ZNF566: variants seen among roughly 807,000 people sequenced by gnomAD.
ZNF566 encodes the protein zinc finger protein 566.
A neutral mutation model predicts 32.8 loss-of-function variants in ZNF566; 27 were observed. The observed-to-expected ratio is 0.82, with a 90% CI of 0.61 to 1.14. ZNF566 has a LOEUF of 1.14. Among genes scored for constraint, ZNF566 ranks in the 50% most tolerant of loss-of-function variants. The pLI, the probability that ZNF566 is intolerant of heterozygous loss-of-function variation, is 0.00. For synonymous variants in ZNF566, 154 were observed against 159.5 expected, an observed-to-expected ratio of 0.97 and a Z score of 0.26; for missense variants, 402 against 490.4, an observed-to-expected ratio of 0.82 and a Z score of 1.70.
At chr19:36,480,803 A>G (rs1008691495) in intron 1 of ZNF566, among the ~76,000 whole-genome samples, 2 of 151,202 alleles carry the variant, frequency 1.3e-5, no homozygotes, top group East Asian at 4.0e-4. Flanking sequence ...GCCAAGGCCC[A>G]CCAAGGCAGG....
intron 4 of ZNF566, among the ~76,000 whole-genome samples, chr19:36,466,095 C>A (rs1419505137): frequency 6.6e-6 from 1 of 151,334 alleles, no homozygotes; most frequent in Non-Finnish European, 1.5e-5. Context: ...AAAATACTAC[C>A]AGGAGCAAGG....
intron 4 of ZNF566, among the ~76,000 whole-genome samples, chr19:36,457,897 A>G (rs886665307): frequency 7.1e-6 from 1 of 139,872 alleles, no homozygotes; most frequent in Non-Finnish European, 1.6e-5. Flanking sequence ...GTCTCAAAAA[A>G]ATAAACAAAC....
At chr19:36,463,301 C>T (rs140914328) in intron 4 of ZNF566, among the ~76,000 whole-genome samples, 9 of 152,090 alleles carry the variant, frequency 5.9e-5, no homozygotes, top group South Asian at 2.1e-4. Context: ...CTACATCCTA[C>T]GCAATAAACA....
chr19:36,453,467 T>C lies in ZNF566; in HGVS notation c.233-3466A>G, dbSNP rs926864684. 9.6e-5 allele frequency among the ~76,000 whole-genome samples: 14 copies of C among 145,606 alleles called. No individual in the cohort carries two copies. In the South Asian group the frequency reaches 3.0e-3, roughly 31 times the overall value. ...CAGCCTGGGTGACAGTGTGAGACTC[T>C]ATCTCAAATAAATAAATAAATAAAT... On this transcript the variant is annotated intron_variant, in intron 4 of 4. Coordinates refer to ENST00000452939, the MANE Select transcript of ZNF566 (RefSeq NM_001145344.1).
At chr19:36,463,943 C>T (rs1472668906) in intron 4 of ZNF566, among the ~76,000 whole-genome samples, 1 of 151,838 alleles carries the variant, frequency 6.6e-6, no homozygotes, top group African/African-American at 2.4e-5. Context: ...CCAGGCTGGT[C>T]TCGAACTCCT....
At chr19:36,469,490 A>T (rs2033709437) in intron 4 of ZNF566, among the ~76,000 whole-genome samples, 3 of 151,872 alleles carry the variant, frequency 2.0e-5, no homozygotes, top group African/African-American at 7.3e-5. Flanking sequence ...CAGTGAGCCG[A>T]GATCACGCCT....
chr19:36,463,747 A>T (rs2033541623), intron 4 of ZNF566, among the ~76,000 whole-genome samples: 1 of 147,804 alleles, frequency 6.8e-6, no homozygotes. Context: ...TTTTTTTGAG[A>T]CAGAGTCTCA....
rs1018815868 is a variant in ZNF566 at position 36,488,602 on chromosome 19, G to A, written c.-60+884C>T. 7.9e-5 allele frequency among the ~76,000 whole-genome samples: 12 copies of A among 152,148 alleles called. 1 individual carries two copies. Among genetic ancestry groups the A allele is most frequent in the Non-Finnish European group, 4.4e-5 (3 of 68,032 alleles). On this transcript the variant is annotated intron_variant, in intron 1 of 4. Transcript: ENST00000452939. Reference sequence around the variant, plus strand: ...GTACCCCATGTGAAAGAATGTGGCTGTGTTGTTTATAAAATGAAAAGCTAT... The same window carrying A: ...GTACCCCATGTGAAAGAATGTGGCTATGTTGTTTATAAAATGAAAAGCTAT...
At position 36,462,282 on chromosome 19, in the gene ZNF566, C is replaced by T. The variant is rs182480778; in HGVS notation, c.232+10629G>A. 9.9e-4 allele frequency among the ~76,000 whole-genome samples: 151 copies of T among 152,140 alleles called. 1 individual carries two copies. The highest frequency in any genetic ancestry group is 3.3e-3 in the African/African-American group (139 of 41,520). On this transcript the variant is annotated intron_variant, in intron 4 of 4. Coordinates refer to ENST00000452939, the MANE Select transcript of ZNF566 (RefSeq NM_001145344.1). ...GGATTACAGACATGAGCCACCATGC[C>T]GGGGCCAACTTTGGGTTTTTTGAAC...
chr19:36,456,984 T>C (rs183229094), intron 4 of ZNF566, among the ~76,000 whole-genome samples: 9 of 152,264 alleles, frequency 5.9e-5, no homozygotes, highest in Non-Finnish European at 1.0e-4. Context: ...CTACATCCGA[T>C]AGATTTCAAA....
intron 4 of ZNF566, among the ~76,000 whole-genome samples, chr19:36,457,584 G>C (rs2033347902): frequency 6.6e-6 from 1 of 152,090 alleles, no homozygotes; most frequent in Non-Finnish European, 1.5e-5. Context: ...AATGGAAATT[G>C]AAACCACAAT....
At chr19:36,463,252 G>A (rs2033522861) in intron 4 of ZNF566, among the ~76,000 whole-genome samples, 1 of 152,072 alleles carries the variant, frequency 6.6e-6, no homozygotes, top group African/African-American at 2.4e-5. Context: ...GCAGTGAGCT[G>A]TGGGTTCACC....
chr19:36,473,499 A>G, intron 2 of ZNF566, 41 bp from the exon 3 acceptor site: 16 of 1,502,744 alleles, frequency 1.1e-5, no homozygotes, highest in Non-Finnish European at 1.4e-5. Flanking sequence ...TAATTTTTTA[A>G]AAAGTACTTT....
At chr19:36,485,816 G>C (rs140248709) in intron 1 of ZNF566, among the ~76,000 whole-genome samples, 30 of 151,996 alleles carry the variant, frequency 2.0e-4, no homozygotes, top group African/African-American at 7.2e-4. Context: ...AGCACTTTGG[G>C]AGGCTGAGGC....
chr19:36,478,641 C>T (rs1005733769), intron 1 of ZNF566, among the ~76,000 whole-genome samples: 1 of 149,880 alleles, frequency 6.7e-6, no homozygotes, highest in Admixed American at 6.6e-5. Context: ...AAAAGTCTCA[C>T]GAAATAAGAA....
At position 36,449,442 on chromosome 19, in the gene ZNF566, A is replaced by C; in HGVS notation, c.792T>G (p.Phe264Leu). Residue 264 changes from phenylalanine (F) to leucine (L), a missense_variant, in exon 5 of 5, where the codon TTT becomes TTG. Transcript: ENST00000452939. ...GTCGAGTGAAGTTTGAACCACTACT[A>C]AAGGCTTTCCCACATTCCTTACATT... ...PYECKECGKA[F>L]SSGSNFTRHQ... 6.2e-7 allele frequency: 1 copy of C among 1,614,100 alleles called. No individual in the cohort carries two copies. Among genetic ancestry groups the C allele is most frequent in the Non-Finnish European group, 8.5e-7 (1 of 1,180,020 alleles).
At chr19:36,468,825 G>A (rs1400553166) in intron 4 of ZNF566, among the ~76,000 whole-genome samples, 1 of 151,530 alleles carries the variant, frequency 6.6e-6, no homozygotes, top group Admixed American at 6.6e-5. Context: ...GAGGTGGGGG[G>A]ATCACGTGAG....
Position 36,449,067 on chromosome 19 carries a change from A to T in ZNF566, c.1167T>A (p.His389Gln). Residue 389 changes from histidine (H) to glutamine (Q), a missense_variant, in exon 5 of 5, where the codon CAT becomes CAA. Around this residue, in one of 3 missense-constraint regions of ZNF566, gnomAD observed 47 missense variants for 38.5 expected, o/e 1.22. Coordinates refer to ENST00000452939, the MANE Select transcript of ZNF566 (RefSeq NM_001145344.1). ...TATATTCATAGGGTTTCTCACTAGTATGAATTCTATGATGACTAATAAGCT... is the reference window on the plus strand; with the variant it reads ...TATATTCATAGGGTTTCTCACTAGTTTGAATTCTATGATGACTAATAAGCT... ...SSQLISHHRI[H>Q]TSEKPYEYRE... 1 of 1,613,922 alleles carries T rather than the reference A, an allele frequency of 6.2e-7. No homozygotes were observed. Among genetic ancestry groups the T allele is most frequent in the Non-Finnish European group, 8.5e-7 (1 of 1,179,930 alleles).
chr19:36,475,341 T>G (rs1441422525), intron 2 of ZNF566, among the ~76,000 whole-genome samples: 1 of 152,164 alleles, frequency 6.6e-6, no homozygotes, highest in Non-Finnish European at 1.5e-5. Flanking sequence ...GTTTGGCCAC[T>G]GACATCAATT....
Sources: allele counts gnomAD v4.1 joint callset (sites outside exome capture counted in the v4.1 genomes callset), GRCh38; gene constraint gnomAD v4.1.1; regional missense constraint gnomAD v4.1.1; transcripts MANE v1.5; gene names NCBI Gene and HGNC (gene_info 2026-07-23, HGNC 2026-07-21).